The following AHCYL2 variants were observed in gnomAD, a reference collection of about 807,000 sequenced individuals.
The protein encoded by AHCYL2 is adenosylhomocysteinase like 2, also known as S-adenosylhomocysteine hydrolase-like protein 2.
Under a neutral mutation model 81.4 loss-of-function variants are expected in AHCYL2, and 28 were observed. The observed-to-expected ratio is 0.34, with a 90% CI of 0.25 to 0.47. The LOEUF (loss-of-function observed/expected upper bound fraction) is 0.47. AHCYL2 is among the 20% of genes least tolerant of loss of function. AHCYL2 has a pLI of 1.00. For synonymous variants in AHCYL2, 272 were observed against 290.2 expected, an observed-to-expected ratio of 0.94 and a Z score of 0.64; for missense variants, 551 against 785.1, an observed-to-expected ratio of 0.70 and a Z score of 3.56.
At chr7:129,243,330 T>C (rs1794933601) in intron 1 of AHCYL2, among the ~76,000 whole-genome samples, 1 of 151,994 alleles carries the variant, frequency 6.6e-6, no homozygotes, top group Admixed American at 6.6e-5. Flanking sequence ...GCCGACTATA[T>C]TGTTTCTAAT....
At position 129,356,841 on chromosome 7, in the gene AHCYL2, C is replaced by T. The variant is rs115244776; in HGVS notation, c.364-22797C>T. Among the ~76,000 whole-genome samples the T allele has an allele frequency of 2.3e-3, 346 of 152,278 alleles. 2 individuals carry two copies. The highest frequency in any genetic ancestry group is 8.1e-3 in the African/African-American group (336 of 41,578). Reference sequence around the variant, plus strand: ...CAGAGAAGAAAAGTGTCACCTTCCACATAAAATCCATGGGGAAAAGGAGTA... The same window carrying T: ...CAGAGAAGAAAAGTGTCACCTTCCATATAAAATCCATGGGGAAAAGGAGTA... On this transcript the variant is annotated intron_variant, in intron 1 of 16. Transcript: ENST00000325006.
At chr7:129,384,436 T>G (rs890606900) in intron 2 of AHCYL2, among the ~76,000 whole-genome samples, 1 of 151,792 alleles carries the variant, frequency 6.6e-6, no homozygotes, top group Non-Finnish European at 1.5e-5. Flanking sequence ...CTTAGAACTG[T>G]GTTTGACACA....
intron 1 of AHCYL2, among the ~76,000 whole-genome samples, chr7:129,370,173 C>T (rs1165926377): frequency 1.3e-5 from 2 of 152,144 alleles, no homozygotes; most frequent in Non-Finnish European, 2.9e-5. Context: ...TCATAGTCCT[C>T]ACCGTCTTAC....
Position 129,368,799 on chromosome 7 carries a change from C to T in AHCYL2, c.364-10839C>T, listed in dbSNP as rs1476117052. Among the ~76,000 whole-genome samples the T allele has an allele frequency of 6.6e-6, 1 of 152,124 alleles. No individual in the cohort carries two copies. The highest frequency in any genetic ancestry group is 1.5e-5 in the Non-Finnish European group (1 of 68,018). Reference sequence around the variant, plus strand: ...TTGTTGCCTGGTCATCTCTGGTGGGCAGGGGCTTTCCTCCGGCTGCTGGTG... The same window carrying T: ...TTGTTGCCTGGTCATCTCTGGTGGGTAGGGGCTTTCCTCCGGCTGCTGGTG... On this transcript the variant is annotated intron_variant, in intron 1 of 16. Coordinates refer to ENST00000325006, the MANE Select transcript of AHCYL2 (RefSeq NM_015328.4). The surrounding 1 kb of genome is among the most constrained non-coding windows in gnomAD (Gnocchi z 4.4).
intron 6 of AHCYL2, among the ~76,000 whole-genome samples, chr7:129,402,636 G>C (rs993570692): frequency 1.3e-5 from 2 of 152,206 alleles, no homozygotes; most frequent in Non-Finnish European, 2.9e-5. Context: ...TTTCTCTGCT[G>C]ATGAAAGCTC....
chr7:129,267,962 T>C (rs1007486945), intron 1 of AHCYL2, among the ~76,000 whole-genome samples: 13 of 152,094 alleles, frequency 8.5e-5, no homozygotes, highest in African/African-American at 3.1e-4. Context: ...TGGCATATGA[T>C]CTGTTTTAAG....
Position 129,382,801 on chromosome 7 carries a change from G to A in AHCYL2, c.475+3052G>A, listed in dbSNP as rs905623529. 7.9e-5 allele frequency among the ~76,000 whole-genome samples: 12 copies of A among 152,150 alleles called. No homozygotes were observed. The South Asian group carries it at 2.5e-3, about 32-fold the overall frequency. ...CATGCCTGTAATCCCAGCTACTCGG[G>A]AGGCTGAGGCAGGAGAATTGCTTGA... On this transcript the variant is annotated intron_variant, in intron 2 of 16. Coordinates refer to ENST00000325006, the MANE Select transcript of AHCYL2 (RefSeq NM_015328.4).
At chr7:129,395,250 T>C (rs1371578738) in intron 4 of AHCYL2, among the ~76,000 whole-genome samples, 1 of 152,216 alleles carries the variant, frequency 6.6e-6, no homozygotes, top group Non-Finnish European at 1.5e-5. Flanking sequence ...GTGTCCTCTT[T>C]TCAAGTACCT....
intron 1 of AHCYL2, among the ~76,000 whole-genome samples, chr7:129,316,645 A>G (rs1797832925): frequency 6.6e-6 from 1 of 152,248 alleles, no homozygotes; most frequent in Admixed American, 6.5e-5. Flanking sequence ...CATGCACAGT[A>G]TATTAAGCAC....
chr7:129,261,165 T>C (rs567449359), intron 1 of AHCYL2, among the ~76,000 whole-genome samples: 2 of 152,376 alleles, frequency 1.3e-5, no homozygotes, highest in Non-Finnish European at 2.9e-5. Context: ...AATTTTATTT[T>C]GTATTTTCAG....
intron 1 of AHCYL2, chr7:129,283,324 T>C (rs746430921): frequency 2.2e-6 from 1 of 454,978 alleles, no homozygotes; most frequent in Non-Finnish European, 4.4e-6. Context: ...TTGTTTTCTG[T>C]CTCTCAGGGA....
At chr7:129,274,853 C>A (rs1344385269) in intron 1 of AHCYL2, among the ~76,000 whole-genome samples, 2 of 152,116 alleles carry the variant, frequency 1.3e-5, no homozygotes, top group African/African-American at 4.8e-5. Context: ...CCAGCCCTAG[C>A]AGACACCATC....
At chr7:129,332,455 T>C (rs1209301761) in intron 1 of AHCYL2, among the ~76,000 whole-genome samples, 1 of 152,236 alleles carries the variant, frequency 6.6e-6, no homozygotes, top group Non-Finnish European at 1.5e-5. Flanking sequence ...TATTCTGAGA[T>C]CTGAAGATGT....
At chr7:129,375,830 C>T (rs1794656872) in intron 1 of AHCYL2, 3 of 1,535,258 alleles carry the variant, frequency 2.0e-6, no homozygotes, top group Non-Finnish European at 1.7e-6. Context: ...CACAAGGGTC[C>T]CTGGACCACA....
intron 1 of AHCYL2, among the ~76,000 whole-genome samples, chr7:129,297,836 C>T (rs1346840367): frequency 6.6e-6 from 1 of 151,998 alleles, no homozygotes; most frequent in Non-Finnish European, 1.5e-5. Flanking sequence ...CCAGCCTGGA[C>T]AACATAGGGA....
In AHCYL2 at chr7:129,389,614, T is replaced by A. The variant is rs1320491488; in HGVS notation, c.620-20T>A. ...TATTCCTTCTTCTTTAATATTGCTG[T>A]ATTTATTGGGCCTTTTCAGAAATGC... On this transcript the variant is annotated intron_variant, in intron 3 of 16. Coordinates refer to ENST00000325006, the MANE Select transcript of AHCYL2 (RefSeq NM_015328.4). 1 of 1,570,178 alleles carries A rather than the reference T, an allele frequency of 6.4e-7. No individual in the cohort carries two copies. Among genetic ancestry groups the A allele is most frequent in the Non-Finnish European group, 8.7e-7 (1 of 1,152,040 alleles).
At chr7:129,333,069 C>A (rs1272049041) in intron 1 of AHCYL2, among the ~76,000 whole-genome samples, 1 of 152,102 alleles carries the variant, frequency 6.6e-6, no homozygotes. Context: ...AGAGTCTAAG[C>A]TATATTTCAG....
intron 1 of AHCYL2, among the ~76,000 whole-genome samples, chr7:129,271,380 G>C (rs1185970859): frequency 7.9e-6 from 1 of 126,036 alleles, no homozygotes; most frequent in South Asian, 2.5e-4. Context: ...AAAAAAAAAA[G>C]AGTTTTAAAA....
chr7:129,381,141 A>G (rs1028535835), intron 2 of AHCYL2, among the ~76,000 whole-genome samples: 11 of 152,214 alleles, frequency 7.2e-5, no homozygotes, highest in African/African-American at 2.4e-4. Flanking sequence ...GAATTGTAAA[A>G]TAGTTTGTAA....
Sources: allele counts gnomAD v4.1 joint callset (sites outside exome capture counted in the v4.1 genomes callset), GRCh38; gene constraint gnomAD v4.1.1; non-coding constraint Gnocchi (gnomAD v3.1); transcripts MANE v1.5; gene names NCBI Gene and HGNC (gene_info 2026-07-23, HGNC 2026-07-21).